COL5A2: variants seen among roughly 807,000 people sequenced by gnomAD.
COL5A2 encodes the protein collagen alpha-2(V) chain.
Under a neutral mutation model 208.2 loss-of-function variants are expected in COL5A2, and 23 were observed. The ratio of observed to expected loss-of-function variants is 0.11; its 90% CI spans 0.08 to 0.16. The LOEUF (loss-of-function observed/expected upper bound fraction) is 0.16, where lower values mean the gene tolerates loss of function less well. COL5A2 is among the 10% of genes least tolerant of loss of function. The pLI is 1.00. For missense variants in COL5A2, 1,590 were observed against 1,956.4 expected, an observed-to-expected ratio of 0.81 and a Z score of 3.53; for synonymous variants, 625 against 628.5, an observed-to-expected ratio of 0.99 and a Z score of 0.08.
chr2:189,035,282 G>A, intron 52 of COL5A2, 127 bp from the exon 53 acceptor site: 3 of 1,248,348 alleles, frequency 2.4e-6, no homozygotes, highest in Middle Eastern at 2.0e-4. Flanking sequence ...TTTAATTCTT[G>A]TCATAAAGTA....
the COL5A2 span, among the ~76,000 whole-genome samples, chr2:189,331,851 G>A: frequency 2.0e-4 from 31 of 152,032 alleles, no homozygotes; most frequent in African/African-American, 5.5e-4. Context: ...TCGGGAGGCC[G>A]GGGCAGGAGA....
At chr2:189,123,567 G>T (rs1687551601) in intron 1 of COL5A2, among the ~76,000 whole-genome samples, 1 of 152,130 alleles carries the variant, frequency 6.6e-6, no homozygotes, top group Non-Finnish European at 1.5e-5. Context: ...CACCCAGTTT[G>T]TGGTACTTTG....
At chr2:189,326,476 A>G in the COL5A2 span, among the ~76,000 whole-genome samples, 1 of 152,012 alleles carries the variant, frequency 6.6e-6, no homozygotes, top group Non-Finnish European at 1.5e-5. Flanking sequence ...CAGGAATTGG[A>G]GACCAGCCTG....
intron 1 of COL5A2, among the ~76,000 whole-genome samples, chr2:189,125,577 C>A (rs1687591666): frequency 6.6e-6 from 1 of 152,090 alleles, no homozygotes; most frequent in African/African-American, 2.4e-5. Context: ...TTATGATGAT[C>A]CACATCCACT....
the COL5A2 span, among the ~76,000 whole-genome samples, chr2:189,310,807 G>C: frequency 6.6e-6 from 1 of 152,056 alleles, no homozygotes; most frequent in South Asian, 2.1e-4. Flanking sequence ...ATTATGTTAA[G>C]CAAAATAAAC....
At chr2:189,325,824 C>T in the COL5A2 span, among the ~76,000 whole-genome samples, 1 of 152,144 alleles carries the variant, frequency 6.6e-6, no homozygotes, top group Non-Finnish European at 1.5e-5. Context: ...AGGCCAGGCG[C>T]AGTGGCTCAC....
the COL5A2 span, among the ~76,000 whole-genome samples, chr2:189,253,934 T>A: frequency 4.6e-5 from 7 of 152,256 alleles, no homozygotes; most frequent in Non-Finnish European, 1.0e-4. Flanking sequence ...ACAAGATAAG[T>A]CTGAGCATAA....
At chr2:189,070,585 G>T (rs1388656111) in intron 18 of COL5A2, among the ~76,000 whole-genome samples, 2 of 152,174 alleles carry the variant, frequency 1.3e-5, no homozygotes, top group Non-Finnish European at 2.9e-5. Context: ...GGAGAGAGAA[G>T]TAACCAGAGT....
In COL5A2 at chr2:189,092,376, A is replaced by T. The variant is rs1199910718; in HGVS notation, c.501T>A (p.Pro167=). ...PQGIDGEPGV[P]GQPGAPGPPG... ...GAGGTCCTGGAGCACCAGGTTGACC[A>T]GGAACACCTGGTTCTCCATCAATTC... Residue 167 remains proline, a synonymous_variant, in exon 7 of 54, where the codon CCT becomes CCA. Coordinates refer to ENST00000374866, the MANE Select transcript of COL5A2 (RefSeq NM_000393.5). 1 of 1,608,392 alleles carries T rather than the reference A, an allele frequency of 6.2e-7. No individual in the cohort carries two copies.
chr2:189,079,875 C>A (rs1686492761), intron 14 of COL5A2, 103 bp downstream of exon 14: 1 of 949,140 alleles, frequency 1.1e-6, no homozygotes, highest in Non-Finnish European at 1.7e-6. Context: ...TTGTTTGTAG[C>A]CCTCTCTCCT....
Position 189,068,075 on chromosome 2 carries a change from C to T in COL5A2, c.1341G>A (p.Gly447=). 1 of 1,614,020 alleles carries T rather than the reference C, an allele frequency of 6.2e-7. No homozygotes were observed. The highest frequency in any genetic ancestry group is 8.5e-7 in the Non-Finnish European group (1 of 1,179,960). Reference sequence around the variant, plus strand: ...CCTGAGGTCCTGGAGATCCAGGAGGCCCTGCTGAGCCAGGAGGACCAGAGG... The same window carrying T: ...CCTGAGGTCCTGGAGATCCAGGAGGTCCTGCTGAGCCAGGAGGACCAGAGG... ...PGTSGPPGSA[G]PPGSPGPQGS... is the part of the protein sequence containing the mutation. The change falls in exon 21 of 54, where the codon GGG becomes GGA. Residue 447 remains glycine, a synonymous_variant. Transcript: ENST00000374866.
chr2:189,241,297 G>C, the COL5A2 span, among the ~76,000 whole-genome samples: 1 of 151,856 alleles, frequency 6.6e-6, no homozygotes, highest in African/African-American at 2.4e-5. Context: ...CACTATTTAG[G>C]CAATGGGCAC....
At chr2:189,175,860 C>CT (rs1175237731) in intron 1 of COL5A2, among the ~76,000 whole-genome samples, 11 of 152,152 alleles carry the variant, frequency 7.2e-5, no homozygotes, top group African/African-American at 2.4e-4. Context: ...GCCAGAAAAC[C>CT]TTTTTTTGTT....
At chr2:189,060,550 T>TA (rs1188848208) in intron 31 of COL5A2, among the ~76,000 whole-genome samples, 180 bp downstream of exon 31, 1 of 152,206 alleles carries the variant, frequency 6.6e-6, no homozygotes, top group African/African-American at 2.4e-5. Flanking sequence ...CTAACATCTG[T>TA]ATGCCCCATT....
rs142364653 is a variant in COL5A2 at position 189,164,279 on chromosome 2, T to C, written c.97+15229A>G. Among the ~76,000 whole-genome samples the C allele has an allele frequency of 1.6e-4, 25 of 152,330 alleles. No homozygotes were observed. The East Asian group carries it at 4.8e-3, about 29-fold the overall frequency. ...AAAGAAAAAGTAATAATAATAGTGATTCAGGCTTCTGCCAGGAAGCTACAT... is the reference window on the plus strand; with the variant it reads ...AAAGAAAAAGTAATAATAATAGTGACTCAGGCTTCTGCCAGGAAGCTACAT... On this transcript the variant is annotated intron_variant, in intron 1 of 53. Transcript: ENST00000374866.
At chr2:189,044,608 A>G (rs994244566) in intron 47 of COL5A2, among the ~76,000 whole-genome samples, 1 of 152,202 alleles carries the variant, frequency 6.6e-6, no homozygotes, top group African/African-American at 2.4e-5. Flanking sequence ...TAATATGGCC[A>G]TGATTTTCAA....
chr2:189,146,608 T>C (rs1688044536), intron 1 of COL5A2, among the ~76,000 whole-genome samples: 1 of 152,150 alleles, frequency 6.6e-6, no homozygotes, highest in African/African-American at 2.4e-5. Context: ...TAAAATAATT[T>C]AATTTTAGTA....
intron 1 of COL5A2, among the ~76,000 whole-genome samples, chr2:189,111,913 A>G (rs1272988260): frequency 1.3e-5 from 2 of 151,064 alleles, no homozygotes; most frequent in East Asian, 1.9e-4. Flanking sequence ...TCGCCCAGGC[A>G]GGAGTCCAAT....
the COL5A2 span, among the ~76,000 whole-genome samples, chr2:189,344,306 A>C: frequency 6.6e-6 from 1 of 152,200 alleles, no homozygotes; most frequent in Non-Finnish European, 1.5e-5. Context: ...TTTAAAGGCC[A>C]AACCTTCCCA....
Sources: allele counts gnomAD v4.1 joint callset (sites outside exome capture counted in the v4.1 genomes callset), GRCh38; gene constraint gnomAD v4.1.1; transcripts MANE v1.5; gene names NCBI Gene and HGNC (gene_info 2026-07-23, HGNC 2026-07-21).